The following RAB31 variants were observed in gnomAD, a reference collection of about 807,000 sequenced individuals.
RAB31 encodes RAB31, member RAS oncogene family.
RAB31 carries 21 observed loss-of-function variants against 25.6 expected under a neutral mutation model. The ratio of observed to expected loss-of-function variants is 0.82; its 90% CI spans 0.58 to 1.18. RAB31 has a LOEUF of 1.18. Among genes scored for constraint, RAB31 ranks in the 50% most tolerant of loss-of-function variants. RAB31 has a pLI of 0.00. For missense variants in RAB31, 196 were observed against 250.1 expected, an observed-to-expected ratio of 0.78 and a Z score of 1.46; for synonymous variants, 87 against 84.0, an observed-to-expected ratio of 1.04 and a Z score of -0.20.
intron 6 of RAB31, among the ~76,000 whole-genome samples, chr18:9,852,113 T>C (rs1375886791): frequency 1.3e-5 from 2 of 152,122 alleles, no homozygotes; most frequent in East Asian, 3.8e-4. Context: ...TTCAAACATA[T>C]ACACAAGTGC....
intron 1 of RAB31, among the ~76,000 whole-genome samples, chr18:9,710,807 G>A (rs934030089): frequency 1.3e-5 from 2 of 152,072 alleles, no homozygotes; most frequent in African/African-American, 2.4e-5. Flanking sequence ...GCAGTGAGCC[G>A]AAATCACGCC....
chr18:9,844,601 A>G (rs2068750836), intron 5 of RAB31: 1 of 152,266 alleles, frequency 6.6e-6, no homozygotes, highest in Non-Finnish European at 1.5e-5. Context: ...CAGGTGCCAG[A>G]AGGCAGAACC....
At chr18:9,855,108 T>G (rs1448216361) in intron 6 of RAB31, among the ~76,000 whole-genome samples, 1 of 152,186 alleles carries the variant, frequency 6.6e-6, no homozygotes, top group Non-Finnish European at 1.5e-5. Context: ...ATTTTTGTTG[T>G]GTGTAAATGC....
At chr18:9,785,525 T>TTGGAGTTAGG (rs1475061848) in intron 2 of RAB31, among the ~76,000 whole-genome samples, 2 of 152,186 alleles carry the variant, frequency 1.3e-5, no homozygotes, top group Non-Finnish European at 2.9e-5. Flanking sequence ...AAACCCTTGT[T>TTGGAGTTAGG]ATAATCTTGG....
At chr18:9,782,665 A>C (rs2068411110) in intron 2 of RAB31, among the ~76,000 whole-genome samples, 1 of 150,828 alleles carries the variant, frequency 6.6e-6, no homozygotes, top group South Asian at 2.1e-4. Context: ...TTTGGAGGGT[A>C]ATCTACACAG....
At position 9,806,578 on chromosome 18, in the gene RAB31, G is replaced by T. The variant is rs185888760; in HGVS notation, c.202-7442G>T. On this transcript the variant is annotated intron_variant, in intron 3 of 6. Transcript: ENST00000578921. ...AGGGGCCCAAGAAGGGACCAGGGCG[G>T]GCCCAAGAAGGGACCAGGTCCCACC... Among the ~76,000 whole-genome samples, 444 of 152,286 alleles carry T rather than the reference G, an allele frequency of 2.9e-3. 1 individual carries two copies. Among genetic ancestry groups the T allele is most frequent in the African/African-American group, 0.01 (419 of 41,546 alleles).
chr18:9,708,994 G>T lies in RAB31; in HGVS notation c.39+550G>T, dbSNP rs1239695716. Among the ~76,000 whole-genome samples the T allele has an allele frequency of 6.6e-6, 1 of 152,200 alleles. No homozygotes were observed. Among genetic ancestry groups the T allele is most frequent in the Non-Finnish European group, 1.5e-5 (1 of 68,040 alleles). ...AAAACAGAAAAATAAAACCAAAAGCGAACCCAGCCAAGGGGGTGAAAGCCG... is the reference window on the plus strand; with the variant it reads ...AAAACAGAAAAATAAAACCAAAAGCTAACCCAGCCAAGGGGGTGAAAGCCG... On this transcript the variant is annotated intron_variant, in intron 1 of 6. Transcript: ENST00000578921. This position sits in a 1 kb window ranked among gnomAD's most constrained non-coding sequence, Gnocchi z 6.4.
intron 5 of RAB31, among the ~76,000 whole-genome samples, chr18:9,832,708 T>C (rs1192508612): frequency 1.3e-5 from 2 of 152,150 alleles, no homozygotes; most frequent in Non-Finnish European, 2.9e-5. Context: ...AATCAGGACA[T>C]GGCAGTCCCT....
At chr18:9,858,174 A>G (rs539319645) in intron 6 of RAB31, among the ~76,000 whole-genome samples, 2 of 152,192 alleles carry the variant, frequency 1.3e-5, no homozygotes, top group South Asian at 4.2e-4. Flanking sequence ...GTAGATTATA[A>G]TCAAAGCACC....
At chr18:9,739,760 A>G (rs1343590087) in intron 1 of RAB31, among the ~76,000 whole-genome samples, 2 of 152,094 alleles carry the variant, frequency 1.3e-5, no homozygotes, top group Admixed American at 1.3e-4. Context: ...ATCACATTGT[A>G]TACTCTCCTG....
intron 1 of RAB31, chr18:9,726,096 G>C (rs1157872409): frequency 1.3e-5 from 2 of 152,236 alleles, no homozygotes; most frequent in African/African-American, 4.8e-5. Context: ...GTGGGAAGTG[G>C]ACCCTAAGCC....
chr18:9,801,913 C>A (rs2068515818), intron 3 of RAB31, among the ~76,000 whole-genome samples: 1 of 152,208 alleles, frequency 6.6e-6, no homozygotes, highest in Non-Finnish European at 1.5e-5. Flanking sequence ...TCCAGTTGTC[C>A]CAACACAGTT....
chr18:9,818,443 C>T (rs1367754914), intron 5 of RAB31, among the ~76,000 whole-genome samples: 2 of 152,092 alleles, frequency 1.3e-5, no homozygotes, highest in African/African-American at 2.4e-5. Context: ...TTTTTCTGGA[C>T]GTTTTGCATA....
intron 3 of RAB31, among the ~76,000 whole-genome samples, chr18:9,795,266 A>G (rs992019764): frequency 3.3e-5 from 5 of 152,368 alleles, no homozygotes; most frequent in African/African-American, 9.6e-5. Context: ...ACTTAAATCT[A>G]AGACCTGAAG....
intron 1 of RAB31, among the ~76,000 whole-genome samples, chr18:9,712,119 A>G (rs1018411496): frequency 6.6e-6 from 1 of 152,216 alleles, no homozygotes. Context: ...TCTTCCTGGC[A>G]CATTAGGAAT....
chr18:9,794,390 A>C (rs1267908326), intron 3 of RAB31, among the ~76,000 whole-genome samples: 1 of 152,226 alleles, frequency 6.6e-6, no homozygotes, highest in Non-Finnish European at 1.5e-5. Flanking sequence ...TGCTGAAAGA[A>C]ATCATAGACA....
chr18:9,762,397 T>C (rs2068293784), intron 1 of RAB31, among the ~76,000 whole-genome samples: 1 of 152,244 alleles, frequency 6.6e-6, no homozygotes, highest in African/African-American at 2.4e-5. Flanking sequence ...TAAGCCAGGT[T>C]ATTCCATATG....
At chr18:9,841,163 C>G (rs2068731598) in intron 5 of RAB31, among the ~76,000 whole-genome samples, 1 of 152,028 alleles carries the variant, frequency 6.6e-6, no homozygotes, top group South Asian at 2.1e-4. Flanking sequence ...AACTCCTGAT[C>G]TGGAGCGATG....
At position 9,722,561 on chromosome 18, in the gene RAB31, T is replaced by C. The variant is rs138107765; in HGVS notation, c.39+14117T>C. On this transcript the variant is annotated intron_variant, in intron 1 of 6. Transcript: ENST00000578921. ...AATTTGTATTTAATCAATGTATCTG[T>C]GTCTATTTTGTAGTTTCAGAATAGC... Among the ~76,000 whole-genome samples, 1,175 of 152,378 alleles carry C rather than the reference T, an allele frequency of 7.7e-3. 15 individuals are homozygous for C. The highest frequency in any genetic ancestry group is 0.027 in the African/African-American group (1,109 of 41,578).
Sources: allele counts gnomAD v4.1 joint callset (sites outside exome capture counted in the v4.1 genomes callset), GRCh38; gene constraint gnomAD v4.1.1; non-coding constraint Gnocchi (gnomAD v3.1); transcripts MANE v1.5; gene names NCBI Gene and HGNC (gene_info 2026-07-23, HGNC 2026-07-21).